NCKAP5: variants seen among roughly 807,000 people sequenced by gnomAD.
NCKAP5 encodes the protein NCK associated protein 5.
In NCKAP5, 92 loss-of-function variants were observed where a neutral mutation model predicts 167.0. The ratio of observed to expected loss-of-function variants is 0.55; its 90% CI spans 0.47 to 0.66. The LOEUF (loss-of-function observed/expected upper bound fraction) is 0.66. Ranked by LOEUF, NCKAP5 falls within the 30% of genes least tolerant of loss-of-function variation. NCKAP5 has a pLI of 0.00. For missense variants in NCKAP5, 2,378 were observed against 2,315.0 expected, an observed-to-expected ratio of 1.03 and a Z score of -0.56; for synonymous variants, 891 against 877.4, an observed-to-expected ratio of 1.02 and a Z score of -0.27.
chr2:133,162,043 GCA>G, intron 5 of NCKAP5, among the ~76,000 whole-genome samples: 1 of 152,142 alleles, frequency 6.6e-6, no homozygotes, highest in East Asian at 1.9e-4. Flanking sequence ...AAGCAGATTT[GCA>G]CTTACTCATT....
intron 6 of NCKAP5, among the ~76,000 whole-genome samples, chr2:133,007,276 T>C (rs6754884): frequency 0.015 from 2,223 of 152,318 alleles, 45 homozygotes; most frequent in African/African-American, 0.051. Flanking sequence ...ATGCTATATA[T>C]GTTGATACTT....
chr2:133,143,314 C>G (rs574171107), intron 5 of NCKAP5, among the ~76,000 whole-genome samples: 1 of 152,112 alleles, frequency 6.6e-6, no homozygotes, highest in Non-Finnish European at 1.5e-5. Context: ...AACTCATCCA[C>G]GTGCAAATAC....
the NCKAP5 span, among the ~76,000 whole-genome samples, chr2:133,648,164 T>C: frequency 0.095 from 14,408 of 152,006 alleles, 763 homozygotes; most frequent in African/African-American, 0.12. Context: ...ATAAAAGGGC[T>C]AATCCACCAG....
chr2:132,852,636 G>A lies in NCKAP5; in HGVS notation c.807+7856C>T, dbSNP rs143601548. On this transcript the variant is annotated intron_variant, in intron 11 of 19. Transcript: ENST00000409261. ...CGAATCAGGGTAAGACAATTTTATA[G>A]TCTTACAGCTATAATTAAATCCAGG... Among the ~76,000 whole-genome samples the A allele has an allele frequency of 7.6e-3, 1,163 of 152,266 alleles. 16 individuals carry two copies. Among genetic ancestry groups the A allele is most frequent in the African/African-American group, 0.027 (1,118 of 41,562 alleles).
chr2:132,681,489 G>A (rs1367805109), intron 19 of NCKAP5, among the ~76,000 whole-genome samples: 1 of 151,966 alleles, frequency 6.6e-6, no homozygotes. Context: ...AGATGAAAAT[G>A]CAGCATTTAC....
chr2:133,270,868 C>T (rs1158528506), intron 4 of NCKAP5, among the ~76,000 whole-genome samples: 1 of 151,834 alleles, frequency 6.6e-6, no homozygotes, highest in Non-Finnish European at 1.5e-5. Flanking sequence ...TTCTTGGACC[C>T]GCTCCCACCC....
rs964433679 is a variant in NCKAP5, at chr2:132,784,856, A to G, written c.1955T>C (p.Ile652Thr). ...CCTTTTTACAACTCTTTGCTGCTTA[A>G]TGAAACTAAAAGTCTTTGGCCTAGT... ...SETRPKTFSF[I>T]KQQRVVKRTS... Residue 652 changes from isoleucine to threonine, a missense_variant, in exon 14 of 20, where the codon ATT (isoleucine) becomes ACT (threonine). By Grantham distance (89) the Ile-to-Thr change is moderately conservative (BLOSUM62 -1). Coordinates refer to ENST00000409261, the MANE Select transcript of NCKAP5 (RefSeq NM_207363.3). The G allele has an allele frequency of 1.9e-6, 3 of 1,563,482 alleles. No individual in the cohort carries two copies. Among genetic ancestry groups the G allele is most frequent in the Non-Finnish European group, 2.6e-6 (3 of 1,155,422 alleles).
At chr2:133,527,276 C>T (rs1368146658) in intron 2 of NCKAP5, 1 of 152,172 alleles carries the variant, frequency 6.6e-6, no homozygotes, top group Non-Finnish European at 1.5e-5. Context: ...GATGTCCCCA[C>T]ACATTGCAGA....
intron 6 of NCKAP5, among the ~76,000 whole-genome samples, chr2:133,125,666 C>A (rs1459376034): frequency 6.6e-6 from 1 of 152,140 alleles, no homozygotes; most frequent in Non-Finnish European, 1.5e-5. Flanking sequence ...TAACTACTAC[C>A]TTATTGAAGT....
chr2:132,869,806 A>G (rs2148764100), intron 9 of NCKAP5, among the ~76,000 whole-genome samples: 1 of 152,330 alleles, frequency 6.6e-6, no homozygotes, highest in East Asian at 1.9e-4. Context: ...CAACAGTCAC[A>G]TATTAAGGAT....
chr2:133,373,347 C>G (rs1685928974), intron 3 of NCKAP5, among the ~76,000 whole-genome samples: 3 of 152,150 alleles, frequency 2.0e-5, no homozygotes, highest in South Asian at 2.1e-4. Context: ...GAGTGAGCCA[C>G]CACGCCTGGC....
chr2:132,948,440 G>A (rs1320705940), intron 8 of NCKAP5, among the ~76,000 whole-genome samples: 1 of 152,154 alleles, frequency 6.6e-6, no homozygotes, highest in African/African-American at 2.4e-5. Context: ...AGGACTCCCT[G>A]AAGCACAGCC....
the NCKAP5 span, among the ~76,000 whole-genome samples, chr2:133,594,646 T>G: frequency 2.0e-5 from 3 of 152,246 alleles, no homozygotes; most frequent in Non-Finnish European, 4.4e-5. Context: ...TACCCCTGCT[T>G]TCTCATCTAC....
chr2:132,781,204 T>C lies in NCKAP5; in HGVS notation c.4897A>G (p.Thr1633Ala), dbSNP rs370028451. ...GAAGCATTACTTGATCCACTTTCTG[T>C]CTGTGGAGCTGCTTTCTTATCAACT... is the stretch of plus-strand genomic sequence containing the variant. ...NRVDKKAAPQ[T>A]ESGSSNASCR... Residue 1633 changes from threonine (T) to alanine (A), a missense_variant, in exon 15 of 20, where the codon ACA (threonine) becomes GCA (alanine). Physicochemically the swap from Thr to Ala is moderately conservative, Grantham distance 58. This residue lies in a region of NCKAP5 where 1,325 missense variants were observed against 1,274.5 expected (regional missense o/e 1.04). Coordinates refer to ENST00000409261, the MANE Select transcript of NCKAP5 (RefSeq NM_207363.3). 1 of 1,613,850 alleles carries C rather than the reference T, an allele frequency of 6.2e-7. No individual in the cohort carries two copies. Among genetic ancestry groups the C allele is most frequent in the Non-Finnish European group, 8.5e-7 (1 of 1,179,824 alleles).
At chr2:132,993,089 C>T (rs929374687) in intron 7 of NCKAP5, among the ~76,000 whole-genome samples, 1 of 152,218 alleles carries the variant, frequency 6.6e-6, no homozygotes, top group Non-Finnish European at 1.5e-5. Flanking sequence ...GCTAATGCCA[C>T]ATTATGCTAA....
intron 18 of NCKAP5, among the ~76,000 whole-genome samples, chr2:132,726,672 C>G (rs1307730651): frequency 6.6e-6 from 1 of 152,166 alleles, no homozygotes; most frequent in Non-Finnish European, 1.5e-5. Flanking sequence ...TGTAAAAACA[C>G]ATTTTAGGAT....
intron 11 of NCKAP5, among the ~76,000 whole-genome samples, chr2:132,806,963 T>C (rs1410651638): frequency 1.3e-5 from 2 of 152,302 alleles, no homozygotes; most frequent in East Asian, 1.9e-4. Flanking sequence ...CTAGTTTCAT[T>C]CTCCTACATG....
chr2:132,762,853 T>G (rs1013176013), intron 16 of NCKAP5, among the ~76,000 whole-genome samples: 1 of 152,222 alleles, frequency 6.6e-6, no homozygotes, highest in East Asian at 1.9e-4. Context: ...GGAGATCACC[T>G]GTATCATAAC....
intron 4 of NCKAP5, among the ~76,000 whole-genome samples, chr2:133,248,524 T>C (rs547446791): frequency 5.3e-4 from 80 of 152,334 alleles, no homozygotes; most frequent in Admixed American, 1.5e-3. Flanking sequence ...TCTGGTCCAC[T>C]GGGAAAAAGG....
Sources: gnomAD v4.1 joint callset for allele counts (sites outside exome capture counted in the v4.1 genomes callset) on GRCh38, gnomAD v4.1.1 for gene constraint, gnomAD v4.1.1 regional missense constraint, MANE v1.5 for transcripts, NCBI Gene and HGNC (gene_info 2026-07-23, HGNC 2026-07-21) for gene names.